The following C2orf80 variants were observed in gnomAD, a reference collection of about 807,000 sequenced individuals.
The protein encoded by C2orf80 is uncharacterized protein C2orf80.
A neutral mutation model predicts 30.2 loss-of-function variants in C2orf80; 28 were observed. The ratio of observed to expected loss-of-function variants is 0.93; its 90% CI spans 0.69 to 1.27. The LOEUF (loss-of-function observed/expected upper bound fraction) is 1.27, where lower values mean the gene tolerates loss of function less well. Among genes scored for constraint, C2orf80 ranks in the 50% most tolerant of loss-of-function variants. The pLI is 0.00. For synonymous variants in C2orf80, 80 were observed against 76.4 expected (o/e 1.05, Z -0.24); for missense variants, 220 against 231.0 (o/e 0.95, Z 0.31).
At chr2:208,189,917 C>G (rs762220701) in intron 1 of C2orf80, 36 bp downstream of exon 1, 1 of 702,898 alleles carries the variant, frequency 1.4e-6, no homozygotes, top group East Asian at 2.7e-5. Flanking sequence ...TATTAAGTGC[C>G]TGCTCTTAAC....
intron 2 of C2orf80, 151 bp downstream of exon 2, chr2:208,186,795 C>T (rs770833397): frequency 1.0e-4 from 73 of 705,098 alleles, no homozygotes; most frequent in Non-Finnish European, 1.5e-4. Context: ...GGCAGGAAAC[C>T]GAGAGAGGCC....
chr2:208,172,513 T>C (rs186925067), intron 6 of C2orf80, among the ~76,000 whole-genome samples: 2 of 152,326 alleles, frequency 1.3e-5, no homozygotes, highest in Admixed American at 1.3e-4. Context: ...TTCACTCATC[T>C]GGCCCAAAGT....
chr2:208,181,180 G>A, intron 5 of C2orf80, 38 bp downstream of exon 5: 1 of 1,334,106 alleles, frequency 7.5e-7, no homozygotes, highest in Non-Finnish European at 1.1e-6. Flanking sequence ...GAGTAGATAT[G>A]AAATATTCAT....
At chr2:208,182,537 A>T (rs566151445) in intron 4 of C2orf80, among the ~76,000 whole-genome samples, 2 of 152,114 alleles carry the variant, frequency 1.3e-5, no homozygotes, top group Non-Finnish European at 2.9e-5. Flanking sequence ...CAGCCTCCTG[A>T]GTACAGGTGT....
intron 8 of C2orf80, among the ~76,000 whole-genome samples, chr2:208,169,166 T>C (rs984971067): frequency 6.6e-5 from 10 of 151,984 alleles, no homozygotes; most frequent in Non-Finnish European, 1.5e-4. Flanking sequence ...AGAGGTAGGT[T>C]TTCCTTACAT....
At chr2:208,172,535 A>T (rs1382760190) in intron 6 of C2orf80, among the ~76,000 whole-genome samples, 1 of 152,184 alleles carries the variant, frequency 6.6e-6, no homozygotes, top group Non-Finnish European at 1.5e-5. Flanking sequence ...TTTAACAGGC[A>T]CTTTACAGAG....
intron 1 of C2orf80, 45 bp from the exon 2 acceptor site, chr2:208,187,106 C>A: frequency 1.2e-6 from 1 of 868,168 alleles, no homozygotes; most frequent in Admixed American, 2.0e-5. Flanking sequence ...GATGCTATCA[C>A]TCCAAATACC....
intron 3 of C2orf80, 80 bp from the exon 4 acceptor site, chr2:208,183,127 A>G: frequency 9.1e-7 from 1 of 1,098,372 alleles, no homozygotes; most frequent in Non-Finnish European, 1.4e-6. Context: ...TGACAATGGG[A>G]CTGCTAAGCC....
chr2:208,165,847 C>T (rs1466961843), intron 8 of C2orf80, 32 bp from the exon 9 acceptor site: 7 of 1,532,184 alleles, frequency 4.6e-6, no homozygotes, highest in Admixed American at 1.7e-5. Context: ...TGGTATCAAG[C>T]ACATCAATTT....
chr2:208,187,839 T>C (rs368971873), intron 1 of C2orf80, among the ~76,000 whole-genome samples: 1 of 152,080 alleles, frequency 6.6e-6, no homozygotes, highest in Non-Finnish European at 1.5e-5. Context: ...GAAAGCAGAT[T>C]GCCCTCTATC....
intron 3 of C2orf80, 135 bp from the exon 4 acceptor site, chr2:208,183,182 A>G: frequency 1.7e-6 from 1 of 598,958 alleles, no homozygotes; most frequent in Non-Finnish European, 2.9e-6. Context: ...CATTAGCTTT[A>G]ATAACCTGAT....
chr2:208,189,194 C>A (rs542995075), intron 1 of C2orf80, among the ~76,000 whole-genome samples: 4 of 152,206 alleles, frequency 2.6e-5, no homozygotes, highest in Non-Finnish European at 5.9e-5. Context: ...GAGTAAGGCA[C>A]AGTTAGCATG....
intron 8 of C2orf80, among the ~76,000 whole-genome samples, chr2:208,167,339 T>A (rs1203428486): frequency 6.6e-6 from 1 of 151,854 alleles, no homozygotes; most frequent in East Asian, 2.0e-4. Context: ...CTGACCAACA[T>A]GGTGAAACCT....
At chr2:208,170,882 A>G (rs1196025723) in intron 8 of C2orf80, 63 bp downstream of exon 8, 7 of 1,312,550 alleles carry the variant, frequency 5.3e-6, no homozygotes, top group African/African-American at 2.9e-5. Flanking sequence ...TAACCACGGT[A>G]TCAGGAAAGT....
chr2:208,177,004 C>CTGT (rs1559340782), intron 6 of C2orf80, among the ~76,000 whole-genome samples: 2 of 45,280 alleles, frequency 4.4e-5, no homozygotes, highest in African/African-American at 1.2e-4. Flanking sequence ...TACATATATA[C>CTGT]ATATATACAG....
At chr2:208,172,987 T>C (rs1696151013) in intron 6 of C2orf80, among the ~76,000 whole-genome samples, 1 of 151,684 alleles carries the variant, frequency 6.6e-6, no homozygotes. Flanking sequence ...AGTGTGGTAG[T>C]GGATGCCTGT....
rs1453739467 is a variant in C2orf80 at position 208,176,931 on chromosome 2, G to GTA, written c.366+3812_366+3813dup. 1.3e-4 allele frequency among the ~76,000 whole-genome samples: 11 copies of GTA among 83,726 alleles called. 1 individual carries two copies. The highest frequency in any genetic ancestry group is 3.7e-4 in the South Asian group (1 of 2,734). The allele number at this position is 83,726 out of a possible 152,430, so 54.9% of individuals were successfully genotyped here. A position where few individuals can be genotyped will look rare whatever the true frequency, so the allele number is the denominator to read the frequency against. On this transcript the variant is annotated intron_variant, in intron 6 of 8. Coordinates refer to ENST00000341287, the MANE Select transcript of C2orf80 (RefSeq NM_001099334.3). ...TGTGTATACATATCTGTATACATATGTATACATATCTGTATACATATCTGT... is the reference window on the plus strand; with the variant it reads ...TGTGTATACATATCTGTATACATATGTATATACATATCTGTATACATATCTGT...
rs76655685 is a variant in C2orf80 at position 208,179,703 on chromosome 2, C to CTTT, written c.366+1039_366+1041dup. ...GGTCTTAAAAATTATTCAGAACACC[C>CTTT]TTTTTTTTTTTTTAAGATCAGTCAT... On this transcript the variant is annotated intron_variant, in intron 6 of 8. Coordinates refer to ENST00000341287, the MANE Select transcript of C2orf80 (RefSeq NM_001099334.3). Among the ~76,000 whole-genome samples the CTTT allele has an allele frequency of 1.2e-4, 18 of 146,996 alleles. 1 individual carries two copies. The highest frequency in any genetic ancestry group is 5.9e-4 in the East Asian group (3 of 5,064).
At chr2:208,176,916 TATCTGTATAC>T (rs1696330097) in intron 6 of C2orf80, among the ~76,000 whole-genome samples, 5 of 85,582 alleles carry the variant, frequency 5.8e-5, no homozygotes, top group African/African-American at 1.7e-4. Flanking sequence ...TGTGTATACA[TATCTGTATAC>T]ATATGTATAC....
Sources: allele counts gnomAD v4.1 joint callset (sites outside exome capture counted in the v4.1 genomes callset), GRCh38; gene constraint gnomAD v4.1.1; transcripts MANE v1.5; gene names NCBI Gene and HGNC (gene_info 2026-07-23, HGNC 2026-07-21).